CTTNBP2NL: variants seen among roughly 807,000 people sequenced by gnomAD.
CTTNBP2NL encodes CTTNBP2 N-terminal-like protein.
CTTNBP2NL carries 16 observed loss-of-function variants against 32.5 expected under a neutral mutation model. The observed-to-expected ratio is 0.49, with a 90% CI of 0.33 to 0.75. CTTNBP2NL has a LOEUF of 0.75. CTTNBP2NL is among the 30% of genes least tolerant of loss of function. CTTNBP2NL has a pLI of 0.02. For synonymous variants in CTTNBP2NL, 298 were observed against 289.4 expected (o/e 1.03, Z -0.30); for missense variants, 645 against 756.0 (o/e 0.85, Z 1.72).
chr1:112,458,437 T>C lies in CTTNBP2NL; in HGVS notation c.*1025T>C, dbSNP rs2101038549. ...TTAACTTTTGCTTAAATGGGAAGTA[T>C]ACATATATCTGTATAGATACATTAC... is the stretch of plus-strand genomic sequence containing the variant. On this transcript the variant is annotated 3_prime_UTR_variant, in exon 6 of 6. Transcript: ENST00000271277. 1 of 152,770 alleles carries C rather than the reference T, an allele frequency of 6.5e-6. No homozygotes were observed. The highest frequency in any genetic ancestry group is 6.5e-5 in the Admixed American group (1 of 15,306). The allele number at this position is 152,770 out of a possible 1,614,324, so 9.5% of individuals were successfully genotyped here.
In CTTNBP2NL at chr1:112,442,880, G is replaced by A. The variant is rs55842260; in HGVS notation, c.100-6062G>A. On this transcript the variant is annotated intron_variant, in intron 3 of 5. Transcript: ENST00000271277. Reference sequence around the variant, plus strand: ...TAATTTTTGTATTTTTAGTAGAGACGGGGTTTCGCCATGTTGGCCAGGCTG... The same window carrying A: ...TAATTTTTGTATTTTTAGTAGAGACAGGGTTTCGCCATGTTGGCCAGGCTG... Among the ~76,000 whole-genome samples, 1,059 of 151,780 alleles carry A rather than the reference G, an allele frequency of 7.0e-3. 13 individuals carry two copies. The highest frequency in any genetic ancestry group is 0.024 in the African/African-American group (985 of 41,358).
intron 1 of CTTNBP2NL, among the ~76,000 whole-genome samples, chr1:112,405,431 G>A (rs982598157): frequency 5.3e-5 from 8 of 152,254 alleles, no homozygotes; most frequent in South Asian, 4.1e-4. Flanking sequence ...CTGAGAAGCT[G>A]GGATCACAGG....
At chr1:112,419,155 T>A (rs1317957074) in intron 3 of CTTNBP2NL, among the ~76,000 whole-genome samples, 3 of 152,178 alleles carry the variant, frequency 2.0e-5, no homozygotes, top group African/African-American at 7.2e-5. Flanking sequence ...GATAGAACTT[T>A]GTTGTGTTTG....
Position 112,449,129 on chromosome 1 carries a change from G to C in CTTNBP2NL, c.287G>C (p.Arg96Pro). The change falls in exon 4 of 6, where the codon CGC becomes CCC. Residue 96 changes from arginine to proline, a missense_variant. Transcript: ENST00000271277. The part of the protein sequence containing the change: ...VMKQCKNMQE[R>P]MLSQLAAAES... The stretch of plus-strand genomic sequence containing the variant: ...AAGCAGTGCAAGAACATGCAGGAGC[G>C]CATGCTGTCCCAGCTGGCTGCTGCT... 1 of 1,613,444 alleles carries C rather than the reference G, an allele frequency of 6.2e-7. No homozygotes were observed. Among genetic ancestry groups the C allele is most frequent in the Non-Finnish European group, 8.5e-7 (1 of 1,179,430 alleles).
chr1:112,433,372 T>C (rs1649631166), intron 3 of CTTNBP2NL, among the ~76,000 whole-genome samples: 1 of 152,162 alleles, frequency 6.6e-6, no homozygotes, highest in South Asian at 2.1e-4. Context: ...GGTGGGTGGA[T>C]TACTTGAGGT....
intron 3 of CTTNBP2NL, among the ~76,000 whole-genome samples, chr1:112,440,804 A>G (rs1482343058): frequency 6.6e-6 from 1 of 152,226 alleles, no homozygotes; most frequent in African/African-American, 2.4e-5. Context: ...TAAAATGAAG[A>G]TAATAGTGAT....
chr1:112,447,916 G>A (rs1021654201), intron 3 of CTTNBP2NL, among the ~76,000 whole-genome samples: 2 of 152,066 alleles, frequency 1.3e-5, no homozygotes, highest in Non-Finnish European at 2.9e-5. Context: ...ATTTTTCATT[G>A]TAAAATATCT....
intron 3 of CTTNBP2NL, among the ~76,000 whole-genome samples, chr1:112,426,191 G>A (rs1453165052): frequency 1.3e-5 from 2 of 152,122 alleles, no homozygotes; most frequent in Non-Finnish European, 2.9e-5. Context: ...TATTAGGAAT[G>A]GATGCTGGAT....
intron 3 of CTTNBP2NL, among the ~76,000 whole-genome samples, chr1:112,422,955 G>A (rs1017571838): frequency 6.6e-6 from 1 of 151,956 alleles, no homozygotes; most frequent in African/African-American, 2.4e-5. Flanking sequence ...ACCATGCCTG[G>A]CTAATTTTTA....
chr1:112,455,948 C>A lies in CTTNBP2NL; in HGVS notation c.456C>A (p.Ser152=). ...TTTTCTAGTTGGAATTTGAAAAATC[C>A]CAAGTGAAAAAGTTTGAAAAAGAAC... The part of the protein sequence containing the change: ...RLTQQLEFEK[S]QVKKFEKEQK... Residue 152 remains serine (S), a synonymous_variant, in exon 6 of 6, where the codon TCC becomes TCA. Transcript: ENST00000271277. The A allele has an allele frequency of 6.3e-7, 1 of 1,576,072 alleles. No individual in the cohort carries two copies. Among genetic ancestry groups the A allele is most frequent in the Non-Finnish European group, 8.6e-7 (1 of 1,165,484 alleles).
chr1:112,411,916 A>G (rs1041967350), intron 1 of CTTNBP2NL, among the ~76,000 whole-genome samples: 1 of 152,208 alleles, frequency 6.6e-6, no homozygotes, highest in Non-Finnish European at 1.5e-5. Flanking sequence ...TCAGGAAGAG[A>G]AAAGTCAGAA....
intron 3 of CTTNBP2NL, among the ~76,000 whole-genome samples, chr1:112,441,897 C>A (rs1480369900): frequency 6.6e-6 from 1 of 151,982 alleles, no homozygotes; most frequent in African/African-American, 2.4e-5. Flanking sequence ...TGCATCTTCC[C>A]ATTGTATTTT....
intron 2 of CTTNBP2NL, among the ~76,000 whole-genome samples, chr1:112,415,283 A>G (rs1350413404): frequency 1.3e-5 from 2 of 152,220 alleles, no homozygotes; most frequent in African/African-American, 4.8e-5. Context: ...CTATTTTACT[A>G]TACAAGATAT....
chr1:112,417,825 T>C (rs1438517253), intron 3 of CTTNBP2NL, among the ~76,000 whole-genome samples: 2 of 152,206 alleles, frequency 1.3e-5, no homozygotes, highest in African/African-American at 4.8e-5. Flanking sequence ...ATTTTATTTA[T>C]GGAGTTTTGG....
At chr1:112,435,817 A>C (rs1649710991) in intron 3 of CTTNBP2NL, among the ~76,000 whole-genome samples, 1 of 152,184 alleles carries the variant, frequency 6.6e-6, no homozygotes, top group African/African-American at 2.4e-5. Flanking sequence ...CTTTCCTATC[A>C]AATTGGGGTG....
intron 3 of CTTNBP2NL, among the ~76,000 whole-genome samples, chr1:112,419,842 T>C (rs1649169573): frequency 6.6e-6 from 1 of 152,166 alleles, no homozygotes; most frequent in Non-Finnish European, 1.5e-5. Flanking sequence ...ACCTAACAGT[T>C]CTTTGGCCAA....
At chr1:112,408,675 CTTT>C (rs916754109) in intron 1 of CTTNBP2NL, among the ~76,000 whole-genome samples, 1 of 151,816 alleles carries the variant, frequency 6.6e-6, no homozygotes, top group South Asian at 2.1e-4. Flanking sequence ...TGGCAAGTTT[CTTT>C]TTTATTATTA....
At chr1:112,451,303 T>G (rs1481137233) in intron 4 of CTTNBP2NL, among the ~76,000 whole-genome samples, 1 of 150,056 alleles carries the variant, frequency 6.7e-6, no homozygotes, top group Non-Finnish European at 1.5e-5. Context: ...ACAAATTTAA[T>G]CCTCTTTTCC....
At chr1:112,409,065 T>C (rs1648774575) in intron 1 of CTTNBP2NL, among the ~76,000 whole-genome samples, 1 of 149,362 alleles carries the variant, frequency 6.7e-6, no homozygotes, top group South Asian at 2.1e-4. Context: ...GAGGCAGAGG[T>C]TGCAGTGAGC....
Sources: allele counts gnomAD v4.1 joint callset (sites outside exome capture counted in the v4.1 genomes callset), GRCh38; gene constraint gnomAD v4.1.1; transcripts MANE v1.5; gene names NCBI Gene and HGNC (gene_info 2026-07-23, HGNC 2026-07-21).